Variants in KDM4A observed in about 807,000 individuals in gnomAD.
The protein encoded by KDM4A is lysine demethylase 4A, also known as lysine-specific demethylase 4A.
KDM4A carries 23 observed loss-of-function variants against 127.1 expected under a neutral mutation model. That is an observed-to-expected ratio of 0.18 (90% CI 0.13 to 0.26). The LOEUF (loss-of-function observed/expected upper bound fraction) is 0.26, where lower values mean the gene tolerates loss of function less well. Among genes scored for constraint, KDM4A ranks in the 10% least tolerant of loss-of-function variants. The pLI, the probability that KDM4A is intolerant of heterozygous loss-of-function variation, is 1.00. For synonymous variants in KDM4A, 443 were observed against 466.5 expected (o/e 0.95, Z 0.65); for missense variants, 890 against 1,329.1 (o/e 0.67, Z 5.14).
intron 3 of KDM4A, among the ~76,000 whole-genome samples, chr1:43,659,217 C>T (rs991203678): frequency 6.6e-6 from 1 of 152,122 alleles, no homozygotes; most frequent in Non-Finnish European, 1.5e-5. Context: ...TGCTTGAGCC[C>T]AGGAGTTCGA....
intron 13 of KDM4A, 103 bp downstream of exon 13, chr1:43,689,198 C>A (rs1055133503): frequency 1.8e-6 from 2 of 1,132,222 alleles, no homozygotes; most frequent in Non-Finnish European, 2.6e-6. Context: ...TTGGGAAAGG[C>A]CACCTCCACC....
chr1:43,660,023 TAG>T (rs1660335080), intron 3 of KDM4A, among the ~76,000 whole-genome samples: 1 of 152,176 alleles, frequency 6.6e-6, no homozygotes, highest in South Asian at 2.1e-4. Context: ...GTAGTTTAAG[TAG>T]AGTCTCTTCA....
intron 18 of KDM4A, 55 bp from the exon 19 acceptor site, chr1:43,697,788 A>T: frequency 6.6e-7 from 1 of 1,516,074 alleles, no homozygotes; most frequent in Non-Finnish European, 9.0e-7. Context: ...TCATCTCCAT[A>T]TGCCAGGCCT....
chr1:43,695,006 A>C, intron 18 of KDM4A, 112 bp downstream of exon 18: 2 of 1,052,950 alleles, frequency 1.9e-6, no homozygotes, highest in Non-Finnish European at 2.7e-6. Flanking sequence ...CTGCATTATG[A>C]AGAGTGCTAA....
chr1:43,668,162 G>A (rs1283934627), intron 9 of KDM4A, 143 bp downstream of exon 9: 6 of 1,162,158 alleles, frequency 5.2e-6, no homozygotes, highest in Non-Finnish European at 7.3e-6. Flanking sequence ...GTCTCGCTCT[G>A]TCGCCCAGGC....
intron 11 of KDM4A, among the ~76,000 whole-genome samples, chr1:43,681,959 C>A (rs1032360731): frequency 1.3e-5 from 2 of 152,112 alleles, no homozygotes; most frequent in Non-Finnish European, 2.9e-5. Flanking sequence ...AGCCAAAGAA[C>A]CCTTTTACTT....
At chr1:43,654,742 G>T (rs1425133076) in intron 2 of KDM4A, among the ~76,000 whole-genome samples, 1 of 117,500 alleles carries the variant, frequency 8.5e-6, no homozygotes. Context: ...TGTGTGTGTT[G>T]TTTTCTCCCT....
intron 8 of KDM4A, 141 bp downstream of exon 8, chr1:43,667,232 C>T (rs976244329): frequency 4.4e-6 from 4 of 914,290 alleles, no homozygotes; most frequent in Admixed American, 2.7e-5. Context: ...AGAGTACTAA[C>T]ATTTTGTGTT....
chr1:43,656,329 GTTTTTT>G (rs11438925), intron 3 of KDM4A, among the ~76,000 whole-genome samples: 5 of 54,154 alleles, frequency 9.2e-5, no homozygotes, highest in Non-Finnish European at 1.6e-4. Context: ...TCTGCTGTTG[GTTTTTT>G]TTTTTTTTTT....
chr1:43,697,844 G>T lies in KDM4A; in HGVS notation c.2672G>T (p.Arg891Leu). ...ACCAAAGCCTCTGTTTTTTTCCAGC[G>T]TGCCAAGGGGGCCTTGCAAAGCATC... ...CFRHKIPNLE[R>L]AKGALQSITA... The change falls in exon 19 of 22, where the codon CGT becomes CTT. Residue 891 changes from arginine to leucine, a missense_variant and splice_region_variant. Arg to Leu is a moderately radical substitution (Grantham distance 102). This residue lies in a region of KDM4A where 246 missense variants were observed against 418.4 expected (regional missense o/e 0.59). Coordinates refer to ENST00000372396, the MANE Select transcript of KDM4A (RefSeq NM_014663.3). 6.2e-7 allele frequency: 1 copy of T among 1,604,056 alleles called. No individual in the cohort carries two copies. Among genetic ancestry groups the T allele is most frequent in the Non-Finnish European group, 8.5e-7 (1 of 1,176,604 alleles).
chr1:43,650,736 C>CTGCAGGGCAGGGGGTTGG (rs1353147656), intron 1 of KDM4A: 1 of 152,384 alleles, frequency 6.6e-6, no homozygotes, highest in Non-Finnish European at 1.5e-5. Context: ...CACAGCGACC[C>CTGCAGGGCAGGGGGTTGG]TGCAGGGCAG....
At chr1:43,690,765 C>G in intron 13 of KDM4A, 80 bp from the exon 14 acceptor site, 2 of 1,333,934 alleles carry the variant, frequency 1.5e-6, no homozygotes, top group South Asian at 1.2e-5. Flanking sequence ...AGAGAGCCAG[C>G]TTTCTGCTGA....
Position 43,704,778 on chromosome 1 carries a change from T to TGTGTGTGC in KDM4A, c.*412_*419dup, listed in dbSNP as rs1557925527. On this transcript the variant is annotated 3_prime_UTR_variant, in exon 22 of 22. Transcript: ENST00000372396. ...CTACTTTTGTATTTATATGTGTGTG[T>TGTGTGTGC]GTGTGTGCGTGCGTGCGTGCGTGCG... The TGTGTGTGC allele has an allele frequency of 4.7e-6, 1 of 213,374 alleles. No homozygotes were observed. Among genetic ancestry groups the TGTGTGTGC allele is most frequent in the East Asian group, 1.3e-4 (1 of 7,720 alleles). 13.2% of individuals were successfully genotyped at this position (213,374 alleles called of 1,614,324 possible). A position where few individuals can be genotyped will look rare whatever the true frequency, so the allele number is the denominator to read the frequency against.
In KDM4A at chr1:43,705,141, C is replaced by T. The variant is rs907777517; in HGVS notation, c.*771C>T. On this transcript the variant is annotated 3_prime_UTR_variant, in exon 22 of 22. Coordinates refer to ENST00000372396, the MANE Select transcript of KDM4A (RefSeq NM_014663.3). ...GGTGTGGGTGGGGATTACCCTGAATCGGGGATTTTAATGATGGAAGCAGGC... is the reference window on the plus strand; with the variant it reads ...GGTGTGGGTGGGGATTACCCTGAATTGGGGATTTTAATGATGGAAGCAGGC... 10 of 152,268 alleles carry T rather than the reference C, an allele frequency of 6.6e-5. No individual in the cohort carries two copies. Among genetic ancestry groups the T allele is most frequent in the African/African-American group, 1.9e-4 (8 of 41,522 alleles). 9.4% of individuals were successfully genotyped at this position (152,268 alleles called of 1,614,324 possible). A position where few individuals can be genotyped will look rare whatever the true frequency, so the allele number is the denominator to read the frequency against.
At chr1:43,660,560 G>T in intron 4 of KDM4A, 148 bp downstream of exon 4, 3 of 1,214,392 alleles carry the variant, frequency 2.5e-6, no homozygotes, top group Non-Finnish European at 2.2e-6. Flanking sequence ...TGCTGTGCTG[G>T]CCTAATTGTG....
chr1:43,674,311 T>A (rs1344463589), intron 11 of KDM4A, among the ~76,000 whole-genome samples: 1 of 152,190 alleles, frequency 6.6e-6, no homozygotes, highest in Non-Finnish European at 1.5e-5. Flanking sequence ...ATTAATCTTA[T>A]TACAGAGTCA....
At chr1:43,664,764 C>A (rs1021373548) in intron 5 of KDM4A, among the ~76,000 whole-genome samples, 1 of 152,108 alleles carries the variant, frequency 6.6e-6, no homozygotes, top group Non-Finnish European at 1.5e-5. Context: ...ATTGTTTACT[C>A]CAAAATTCAC....
At chr1:43,671,401 G>A in intron 10 of KDM4A, 104 bp from the exon 11 acceptor site, 1 of 1,269,138 alleles carries the variant, frequency 7.9e-7, no homozygotes, top group South Asian at 1.6e-5. Flanking sequence ...TGGAAGCCAG[G>A]TCCCATTCCC....
At chr1:43,660,977 ATT>A (rs767471081) in intron 4 of KDM4A, among the ~76,000 whole-genome samples, 1 of 144,878 alleles carries the variant, frequency 6.9e-6, no homozygotes, top group African/African-American at 2.5e-5. Flanking sequence ...TCATATTTTA[ATT>A]TTTTTTTTTT....
Sources: gnomAD v4.1 joint callset for allele counts (sites outside exome capture counted in the v4.1 genomes callset) on GRCh38, gnomAD v4.1.1 for gene constraint, gnomAD v4.1.1 regional missense constraint, MANE v1.5 for transcripts, NCBI Gene and HGNC (gene_info 2026-07-23, HGNC 2026-07-21) for gene names.